Variants in PCP4L1 observed in about 807,000 individuals in gnomAD.
The protein encoded by PCP4L1 is Purkinje cell protein 4-like protein 1.
In PCP4L1, 9 loss-of-function variants were observed where a neutral mutation model predicts 9.6. That is an observed-to-expected ratio of 0.94 (90% CI 0.57 to 1.64). The LOEUF is 1.64. Ranked by LOEUF, PCP4L1 falls within the 40% of genes most tolerant of loss-of-function variation. The pLI is 0.00. For synonymous variants in PCP4L1, 31 were observed against 28.2 expected, an observed-to-expected ratio of 1.10 and a Z score of -0.31; for missense variants, 81 against 80.8, an observed-to-expected ratio of 1.00 and a Z score of -0.01.
intron 1 of PCP4L1, among the ~76,000 whole-genome samples, chr1:161,269,903 G>A (rs1400303801): frequency 1.3e-5 from 2 of 152,120 alleles, no homozygotes; most frequent in African/African-American, 2.4e-5. Context: ...GGAAGCTGAG[G>A]TGTGAGGATT....
intron 1 of PCP4L1, among the ~76,000 whole-genome samples, chr1:161,269,420 G>C (rs1669586155): frequency 1.3e-5 from 2 of 152,278 alleles, no homozygotes; most frequent in South Asian, 4.1e-4. Context: ...CTCTGAACTG[G>C]CTACAGAATG....
rs1037676640 is a variant in PCP4L1 at position 161,283,702 on chromosome 1, C to T, written c.44C>T (p.Ala15Val). The change falls in exon 2 of 3, where the codon GCA (alanine) becomes GTA (valine). Residue 15 changes from alanine to valine, a missense_variant. Coordinates refer to ENST00000504449, the MANE Select transcript of PCP4L1 (RefSeq NM_001102566.2). Reference sequence around the variant, plus strand: ...AAAACATCCCCAGCAACCAACCAGGCAGCTGGCCAAGAGGAAAAAGGTGAG... The same window carrying T: ...AAAACATCCCCAGCAACCAACCAGGTAGCTGGCCAAGAGGAAAAAGGTGAG... ...NTKTSPATNQ[A>V]AGQEEKGKAG... The T allele has an allele frequency of 6.2e-7, 1 of 1,606,318 alleles. No individual in the cohort carries two copies. The highest frequency in any genetic ancestry group is 2.2e-5 in the East Asian group (1 of 44,742).
rs1191582905 is a variant in PCP4L1, at chr1:161,279,090, A to AT, written c.10-4570dup. ...GAGCCACTGCATCTGGCCCATGATG[A>AT]TTTTTTTTACTCTTCCTTGAACATA... On this transcript the variant is annotated intron_variant, in intron 1 of 2. Transcript: ENST00000504449. 9.9e-5 allele frequency among the ~76,000 whole-genome samples: 15 copies of AT among 152,120 alleles called. No individual in the cohort carries two copies. In the South Asian group the frequency reaches 1.0e-3, roughly 11 times the overall value.
intron 1 of PCP4L1, among the ~76,000 whole-genome samples, chr1:161,280,470 T>G (rs1439345327): frequency 6.6e-6 from 1 of 152,248 alleles, no homozygotes; most frequent in African/African-American, 2.4e-5. Flanking sequence ...TAAAATCTTC[T>G]TGTGACCTCA....
chr1:161,275,510 C>T (rs747516212), intron 1 of PCP4L1, among the ~76,000 whole-genome samples: 79 of 88,460 alleles, frequency 8.9e-4, no homozygotes, highest in Admixed American at 2.1e-3. Flanking sequence ...AGCAAGACTC[C>T]GTCTCAAAAA....
rs1023739162 is a variant in PCP4L1, at chr1:161,284,329, C to T, written c.65-10C>T. 6.2e-7 allele frequency: 1 copy of T among 1,613,952 alleles called. No individual in the cohort carries two copies. Among genetic ancestry groups the T allele is most frequent in the Non-Finnish European group, 8.5e-7 (1 of 1,179,876 alleles). On this transcript the variant is annotated splice_polypyrimidine_tract_variant and intron_variant, in intron 2 of 2. Transcript: ENST00000504449. ...ATTAACTCATTAATGAGTCTCCCAA[C>T]TATCTGCAGGAAAAGCTGGCAATGT...
chr1:161,275,464 C>T (rs555671393), intron 1 of PCP4L1, among the ~76,000 whole-genome samples: 30 of 148,584 alleles, frequency 2.0e-4, no homozygotes, highest in Non-Finnish European at 3.6e-4. Context: ...TGCAATGGGC[C>T]GAGATCGCGC....
intron 1 of PCP4L1, among the ~76,000 whole-genome samples, chr1:161,270,181 C>A (rs974244282): frequency 3.3e-5 from 5 of 151,876 alleles, no homozygotes; most frequent in African/African-American, 1.2e-4. Flanking sequence ...CCTGTAATCC[C>A]GGCTACTCGG....
At chr1:161,283,776 A>G in intron 2 of PCP4L1, 54 bp downstream of exon 2, 3 of 1,524,626 alleles carry the variant, frequency 2.0e-6, no homozygotes, top group Non-Finnish European at 2.7e-6. Flanking sequence ...AGAGACATAA[A>G]GACAAGTAGG....
At chr1:161,259,053 G>C (rs16832733) in intron 1 of PCP4L1, 70 bp downstream of exon 1, 1 of 1,511,824 alleles carries the variant, frequency 6.6e-7, no homozygotes, top group Non-Finnish European at 8.8e-7. Context: ...CGGGATCCCA[G>C]GGAGGCGAGG....
chr1:161,275,794 C>CTT (rs1191740761), intron 1 of PCP4L1, among the ~76,000 whole-genome samples: 40 of 134,158 alleles, frequency 3.0e-4, no homozygotes, highest in African/African-American at 6.5e-4. Flanking sequence ...CTAGGTCATA[C>CTT]TTTTTTTTTT....
intron 1 of PCP4L1, among the ~76,000 whole-genome samples, chr1:161,278,422 T>TC (rs955421112): frequency 1.3e-5 from 2 of 152,014 alleles, no homozygotes; most frequent in African/African-American, 4.8e-5. Flanking sequence ...CTTCCTTCCT[T>TC]CTTTTTTTTC....
chr1:161,258,951 C>G lies in PCP4L1; in HGVS notation c.-24C>G, dbSNP rs1256006442. The G allele has an allele frequency of 7.8e-6, 12 of 1,534,546 alleles. No homozygotes were observed. Among genetic ancestry groups the G allele is most frequent in the Non-Finnish European group, 1.0e-5 (12 of 1,146,082 alleles). On this transcript the variant is annotated 5_prime_UTR_variant, in exon 1 of 3. Coordinates refer to ENST00000504449, the MANE Select transcript of PCP4L1 (RefSeq NM_001102566.2). Reference sequence around the variant, plus strand: ...CGCCTCACCTGTGCGTGCAGCGCCTCGCGCGCCCTGTCCGGCTGCGGAGAT... The same window carrying G: ...CGCCTCACCTGTGCGTGCAGCGCCTGGCGCGCCCTGTCCGGCTGCGGAGAT...
At chr1:161,264,537 T>C (rs915603688) in intron 1 of PCP4L1, among the ~76,000 whole-genome samples, 9 of 151,340 alleles carry the variant, frequency 5.9e-5, no homozygotes, top group East Asian at 3.9e-4. Context: ...AAAAGAAATA[T>C]AAGCAATGTA....
chr1:161,263,139 A>G (rs1326898836), intron 1 of PCP4L1, among the ~76,000 whole-genome samples: 2 of 152,238 alleles, frequency 1.3e-5, no homozygotes, highest in African/African-American at 4.8e-5. Flanking sequence ...AACCAAGGCT[A>G]GGGCACTGTA....
At chr1:161,280,743 C>G (rs1288748833) in intron 1 of PCP4L1, among the ~76,000 whole-genome samples, 1 of 152,232 alleles carries the variant, frequency 6.6e-6, no homozygotes, top group Non-Finnish European at 1.5e-5. Flanking sequence ...ATTTTCTTCA[C>G]GTGGCTTCCA....
chr1:161,271,543 G>A (rs755161829), intron 1 of PCP4L1, among the ~76,000 whole-genome samples: 16 of 150,816 alleles, frequency 1.1e-4, no homozygotes, highest in African/African-American at 2.9e-4. Flanking sequence ...TTGCTCTGTC[G>A]CCCAGGCTGG....
intron 1 of PCP4L1, 122 bp downstream of exon 1, chr1:161,259,105 C>G (rs1444712577): frequency 8.1e-6 from 11 of 1,351,428 alleles, no homozygotes; most frequent in Non-Finnish European, 1.1e-5. Flanking sequence ...CCTCCAGGGG[C>G]GCCCCACTGC....
At chr1:161,261,431 C>T (rs77515554) in intron 1 of PCP4L1, among the ~76,000 whole-genome samples, 5,527 of 152,254 alleles carry the variant, frequency 0.036, 237 homozygotes, top group East Asian at 0.14. Flanking sequence ...CGTTCGTGCA[C>T]GAAGGAGCTG....
Sources: gnomAD v4.1 joint callset for allele counts (sites outside exome capture counted in the v4.1 genomes callset) on GRCh38, gnomAD v4.1.1 for gene constraint, MANE v1.5 for transcripts, NCBI Gene and HGNC (gene_info 2026-07-23, HGNC 2026-07-21) for gene names.